EPHA3: variants seen among roughly 807,000 people sequenced by gnomAD.
EPHA3 encodes EPH receptor A3.
EPHA3 carries 42 observed loss-of-function variants against 107.1 expected under a neutral mutation model. The ratio of observed to expected loss-of-function variants is 0.39; its 90% confidence interval spans 0.31 to 0.51. The LOEUF is 0.51. Among genes scored for constraint, EPHA3 ranks in the 20% least tolerant of loss-of-function variants. EPHA3 has a pLI of 0.78. For synonymous variants in EPHA3, 461 were observed against 424.8 expected, an observed-to-expected ratio of 1.09 and a Z score of -1.05; for missense variants, 1,183 against 1,211.2, an observed-to-expected ratio of 0.98 and a Z score of 0.35.
At chr3:89,174,714 C>A (rs977662796) in intron 2 of EPHA3, among the ~76,000 whole-genome samples, 6 of 151,760 alleles carry the variant, frequency 4.0e-5, no homozygotes, top group Admixed American at 3.9e-4. Context: ...TTAAAATTAA[C>A]CACCAAGTTA....
At chr3:89,316,982 A>G (rs557298808) in intron 3 of EPHA3, among the ~76,000 whole-genome samples, 155 of 151,900 alleles carry the variant, frequency 1.0e-3, no homozygotes, top group African/African-American at 3.6e-3. Context: ...GATCACTTAG[A>G]AAGTGTCCAA....
At chr3:89,255,862 C>T (rs1363369521) in intron 3 of EPHA3, among the ~76,000 whole-genome samples, 1 of 151,992 alleles carries the variant, frequency 6.6e-6, no homozygotes, top group Non-Finnish European at 1.5e-5. Context: ...GATCGTACCA[C>T]TGCACTCCAG....
chr3:89,312,157 A>G (rs147456192), intron 3 of EPHA3, among the ~76,000 whole-genome samples: 78 of 152,136 alleles, frequency 5.1e-4, no homozygotes, highest in African/African-American at 1.8e-3. Context: ...TTTTGGTCAC[A>G]TATATTTATA....
intron 10 of EPHA3, among the ~76,000 whole-genome samples, chr3:89,414,741 T>G (rs1709215905): frequency 6.6e-6 from 1 of 151,704 alleles, no homozygotes. Context: ...TAAAATATCT[T>G]TATATAGTTA....
rs566254977 is a variant in EPHA3 at position 89,265,897 on chromosome 3, C to T, written c.814+55377C>T. The stretch of plus-strand genomic sequence containing the variant: ...GGAATGTGATACTAGGAAAAAATTT[C>T]TGTAAGATATACACAAGGTAATTTC... On this transcript the variant is annotated intron_variant, in intron 3 of 16. Transcript: ENST00000336596. Among the ~76,000 whole-genome samples, 7 of 152,064 alleles carry T rather than the reference C, an allele frequency of 4.6e-5. No individual in the cohort carries two copies. The South Asian group carries it at 1.0e-3, about 23-fold the overall frequency.
At chr3:89,137,466 A>T (rs1704337810) in intron 2 of EPHA3, among the ~76,000 whole-genome samples, 1 of 152,030 alleles carries the variant, frequency 6.6e-6, no homozygotes, top group Non-Finnish European at 1.5e-5. Context: ...AATTTAGTCT[A>T]TAAAAACTAT....
intron 15 of EPHA3, among the ~76,000 whole-genome samples, chr3:89,468,624 A>T (rs1225299386): frequency 1.3e-5 from 2 of 152,176 alleles, no homozygotes; most frequent in African/African-American, 2.4e-5. Context: ...GTGCGCGCGC[A>T]TGCCTGTAGA....
At chr3:89,111,765 A>G (rs1045467089) in intron 1 of EPHA3, among the ~76,000 whole-genome samples, 20 of 152,120 alleles carry the variant, frequency 1.3e-4, no homozygotes, top group African/African-American at 4.8e-4. Flanking sequence ...ATCTTTGTAA[A>G]GACTAGTATC....
chr3:89,376,550 T>C (rs1708408888), intron 5 of EPHA3, among the ~76,000 whole-genome samples: 1 of 151,970 alleles, frequency 6.6e-6, no homozygotes, highest in Non-Finnish European at 1.5e-5. Flanking sequence ...ATTCATATGG[T>C]TTAAATAATT....
intron 7 of EPHA3, 146 bp downstream of exon 7, chr3:89,399,626 T>C: frequency 1.4e-6 from 2 of 1,390,020 alleles, no homozygotes. Context: ...TGCAGAGCCC[T>C]GTGTCTGTAT....
At chr3:89,339,133 G>A (rs553797061) in intron 3 of EPHA3, among the ~76,000 whole-genome samples, 1 of 152,242 alleles carries the variant, frequency 6.6e-6, no homozygotes, top group South Asian at 2.1e-4. Context: ...AGGACTTTGG[G>A]AGGCCGAGGC....
At chr3:89,445,024 G>T (rs1325659936) in intron 13 of EPHA3, among the ~76,000 whole-genome samples, 2 of 152,164 alleles carry the variant, frequency 1.3e-5, no homozygotes, top group African/African-American at 2.4e-5. Context: ...CCAGCACTTT[G>T]GTAGGTGGAG....
At chr3:89,341,696 T>A in intron 4 of EPHA3, 59 bp from the exon 5 acceptor site, 1 of 1,332,404 alleles carries the variant, frequency 7.5e-7, no homozygotes, top group Non-Finnish European at 1.0e-6. Flanking sequence ...AATTATCTAT[T>A]TCCCTTGTAG....
intron 15 of EPHA3, among the ~76,000 whole-genome samples, chr3:89,467,972 C>G (rs918454050): frequency 6.6e-6 from 1 of 152,122 alleles, no homozygotes; most frequent in Non-Finnish European, 1.5e-5. Flanking sequence ...CATCACCCAG[C>G]CTATAAATTT....
At position 89,434,884 on chromosome 3, in the gene EPHA3, C is replaced by A. The variant is rs186421130; in HGVS notation, c.2346+3525C>A. 1.2e-4 allele frequency among the ~76,000 whole-genome samples: 19 copies of A among 152,226 alleles called. No individual in the cohort carries two copies. The East Asian group carries it at 3.7e-3, about 29-fold the overall frequency. Reference sequence around the variant, plus strand: ...CTGTTTCGAGTTCTTCAGGGTTCATCTTTGTATTTCCTTGGAACTCCCTCA... The same window carrying A: ...CTGTTTCGAGTTCTTCAGGGTTCATATTTGTATTTCCTTGGAACTCCCTCA... On this transcript the variant is annotated intron_variant, in intron 13 of 16. Coordinates refer to ENST00000336596, the MANE Select transcript of EPHA3 (RefSeq NM_005233.6).
intron 1 of EPHA3, among the ~76,000 whole-genome samples, chr3:89,109,734 C>T (rs1199027719): frequency 2.0e-5 from 3 of 151,960 alleles, no homozygotes; most frequent in Non-Finnish European, 4.4e-5. Context: ...ATTATACAGA[C>T]AGGTACACAT....
intron 3 of EPHA3, among the ~76,000 whole-genome samples, chr3:89,222,575 G>A (rs1704407742): frequency 6.6e-6 from 1 of 150,786 alleles, no homozygotes; most frequent in South Asian, 2.1e-4. Flanking sequence ...ACACATATAT[G>A]CACTTAGCAC....
intron 5 of EPHA3, among the ~76,000 whole-genome samples, chr3:89,359,569 G>T (rs1708042071): frequency 6.7e-6 from 1 of 149,572 alleles, no homozygotes; most frequent in South Asian, 2.1e-4. Flanking sequence ...GTATTTTTTA[G>T]CACTGTATGA....
chr3:89,150,715 C>T (rs989660087), intron 2 of EPHA3, among the ~76,000 whole-genome samples: 6 of 152,082 alleles, frequency 3.9e-5, no homozygotes, highest in Admixed American at 2.0e-4. Flanking sequence ...TAATTCCTTA[C>T]GTCATATATC....
Sources: allele counts gnomAD v4.1 joint callset (sites outside exome capture counted in the v4.1 genomes callset), GRCh38; gene constraint gnomAD v4.1.1; transcripts MANE v1.5; gene names NCBI Gene and HGNC (gene_info 2026-07-23, HGNC 2026-07-21).